Variants in NRG1 observed in about 807,000 individuals in gnomAD.
NRG1 encodes pro-neuregulin-1, membrane-bound isoform.
A neutral mutation model predicts 63.8 loss-of-function variants in NRG1; 18 were observed. The observed-to-expected ratio is 0.28, with a 90% confidence interval of 0.19 to 0.42. The LOEUF (loss-of-function observed/expected upper bound fraction) is 0.42, where lower values mean the gene tolerates loss of function less well. Among genes scored for constraint, NRG1 ranks in the 10% least tolerant of loss-of-function variants. NRG1 has a pLI of 1.00. For missense variants in NRG1, 762 were observed against 814.7 expected (o/e 0.94, Z 0.79); for synonymous variants, 302 against 301.3 (o/e 1.00, Z -0.02).
chr8:32,670,716 C>T (rs530056418), intron 5 of NRG1, among the ~76,000 whole-genome samples: 1 of 152,130 alleles, frequency 6.6e-6, no homozygotes, highest in Admixed American at 6.5e-5. Flanking sequence ...AGAGGGTGCT[C>T]AGACAGCATT....
rs570354347 is a variant in NRG1, at chr8:32,370,857, CAAAAAAAA to C, written c.38-224952_38-224945del. Among the ~76,000 whole-genome samples, 10 of 52,036 alleles carry C rather than the reference CAAAAAAAA, an allele frequency of 1.9e-4. 1 individual carries two copies. In the East Asian group the frequency reaches 8.4e-3, roughly 44 times the overall value. 34.1% of individuals were successfully genotyped at this position (52,036 alleles called of 152,430 possible). On this transcript the variant is annotated intron_variant, in intron 1 of 10. Coordinates refer to the NRG1 transcript ENST00000519301. ...AGGATGACAGAGTGAGACTCTGTCT[CAAAAAAAA>C]AAAAAAAAAAAAAAAAAAGACAACA...
chr8:31,991,717 G>A (rs1180972617), intron 1 of NRG1, among the ~76,000 whole-genome samples: 2 of 151,770 alleles, frequency 1.3e-5, no homozygotes, highest in Non-Finnish European at 2.9e-5. Flanking sequence ...CTGTGGATAG[G>A]TTGCCTATTT....
intron 1 of NRG1, among the ~76,000 whole-genome samples, chr8:32,054,349 TGTTGGCTAA>T (rs1822494455): frequency 6.6e-6 from 1 of 152,136 alleles, no homozygotes; most frequent in African/African-American, 2.4e-5. Context: ...TCCCCAAGGG[TGTTGGCTAA>T]AATGTTCAGT....
intron 1 of NRG1, among the ~76,000 whole-genome samples, chr8:31,901,925 G>A (rs1832117478): frequency 1.3e-5 from 2 of 152,112 alleles, no homozygotes; most frequent in Non-Finnish European, 2.9e-5. Flanking sequence ...TATCTGTTCT[G>A]TTTCCCACTC....
At chr8:31,900,808 T>A (rs1048192330) in intron 1 of NRG1, among the ~76,000 whole-genome samples, 1 of 152,168 alleles carries the variant, frequency 6.6e-6, no homozygotes, top group African/African-American at 2.4e-5. Context: ...GAATTTGCCA[T>A]CAGAGAAACT....
chr8:32,245,700 T>C (rs1734542512), intron 1 of NRG1, among the ~76,000 whole-genome samples: 1 of 152,108 alleles, frequency 6.6e-6, no homozygotes, highest in Non-Finnish European at 1.5e-5. Flanking sequence ...GCTAGTACCA[T>C]CAGATTTGGC....
chr8:32,432,872 C>T (rs750807049), intron 1 of NRG1, among the ~76,000 whole-genome samples: 9 of 152,084 alleles, frequency 5.9e-5, no homozygotes, highest in African/African-American at 7.2e-5. Context: ...AAGTCGCATT[C>T]GGGTGGAGCA....
At chr8:32,443,304 C>A (rs1366950933) in intron 1 of NRG1, among the ~76,000 whole-genome samples, 1 of 152,156 alleles carries the variant, frequency 6.6e-6, no homozygotes, top group East Asian at 1.9e-4. Flanking sequence ...TCTTCATAAA[C>A]CTCTGCTGAG....
intron 1 of NRG1, among the ~76,000 whole-genome samples, chr8:32,439,118 ATCATTTTACATAT>A (rs1819173574): frequency 6.6e-6 from 1 of 152,324 alleles, no homozygotes; most frequent in Non-Finnish European, 1.5e-5. Flanking sequence ...ATAATGTAAA[ATCATTTTACATAT>A]TCACAGATCC....
chr8:32,737,454 G>A (rs1825356594), intron 6 of NRG1, among the ~76,000 whole-genome samples: 1 of 152,002 alleles, frequency 6.6e-6, no homozygotes, highest in African/African-American at 2.4e-5. Flanking sequence ...GGGAGACTGA[G>A]GCAGGAGAAT....
intron 11 of NRG1, among the ~76,000 whole-genome samples, chr8:32,762,630 G>A (rs773601624): frequency 1.1e-4 from 17 of 152,118 alleles, no homozygotes; most frequent in Non-Finnish European, 2.4e-4. Flanking sequence ...TACGTTTTCC[G>A]TTCCTGTTAG....
At chr8:32,647,500 A>G in intron 5 of NRG1, 1 of 985,428 alleles carries the variant, frequency 1.0e-6, no homozygotes, top group Non-Finnish European at 1.2e-6. Context: ...CAGAAACAGC[A>G]GCTTAAAGAA....
At chr8:32,032,357 A>G (rs1332777209) in intron 1 of NRG1, among the ~76,000 whole-genome samples, 1 of 151,908 alleles carries the variant, frequency 6.6e-6, no homozygotes, top group African/African-American at 2.4e-5. Context: ...TCCACCTTCC[A>G]GCTTCAAGCA....
At chr8:32,548,762 GGGCAAGAAGAAGGAGCGAGGCTCC>G (rs1563619751) in exon 1 of NRG1, 2 of 1,590,886 alleles carry the variant, frequency 1.3e-6, no homozygotes, top group South Asian at 2.3e-5. Flanking sequence ...GCAAAGGGAA[GGGCAAGAAGAAGGAGCGAGGCTCC>G]GGCAAGAAGC....
Position 32,742,867 on chromosome 8 carries a change from T to C in NRG1, c.691+134T>C. 1 of 1,576,098 alleles carries C rather than the reference T, an allele frequency of 6.3e-7. No individual in the cohort carries two copies. The highest frequency in any genetic ancestry group is 8.6e-7 in the Non-Finnish European group (1 of 1,157,194). On this transcript the variant is annotated intron_variant, in intron 7 of 11. Coordinates refer to ENST00000356819, the Ensembl canonical transcript of NRG1. The surrounding 1 kb of genome is among the most constrained non-coding windows in gnomAD (Gnocchi z 4.2). ...TACCAGATCTAATATTGACTGCCTC[T>C]GCCTGTCGCATGAGAACATTAACAA...
chr8:32,764,640 G>A (rs749840477), exon 12 of NRG1: 5 of 357,134 alleles, frequency 1.4e-5, no homozygotes, highest in Non-Finnish European at 2.0e-5. Context: ...GTTATGTCGA[G>A]AGCAAGTTTT....
chr8:32,477,275 G>A (rs138406985), intron 1 of NRG1, among the ~76,000 whole-genome samples: 13 of 152,230 alleles, frequency 8.5e-5, no homozygotes, highest in African/African-American at 1.2e-4. Context: ...AGAGGTCAGC[G>A]GCCACCACTG....
chr8:32,041,906 C>T (rs1820127682), intron 1 of NRG1, among the ~76,000 whole-genome samples: 1 of 152,138 alleles, frequency 6.6e-6, no homozygotes, highest in African/African-American at 2.4e-5. Flanking sequence ...ATGAATATGT[C>T]TGGTCCTAGA....
At chr8:31,847,670 G>A (rs1295509899) in intron 1 of NRG1, among the ~76,000 whole-genome samples, 1 of 152,170 alleles carries the variant, frequency 6.6e-6, no homozygotes, top group East Asian at 1.9e-4. Flanking sequence ...CCACATAAAT[G>A]TTACCAGCTG....
Sources: gnomAD v4.1 joint callset for allele counts (sites outside exome capture counted in the v4.1 genomes callset) on GRCh38, gnomAD v4.1.1 for gene constraint, Gnocchi (gnomAD v3.1) non-coding constraint, MANE v1.5 for transcripts, NCBI Gene and HGNC (gene_info 2026-07-23, HGNC 2026-07-21) for gene names.